The following CLNS1A variants were observed in gnomAD, a reference collection of about 807,000 sequenced individuals.
CLNS1A encodes the protein methylosome subunit pICln.
Under a neutral mutation model 29.4 loss-of-function variants are expected in CLNS1A, and 16 were observed. The ratio of observed to expected loss-of-function variants is 0.54; its 90% CI spans 0.37 to 0.83. CLNS1A has a LOEUF of 0.83. Among genes scored for constraint, CLNS1A ranks in the 40% least tolerant of loss-of-function variants. The pLI, the probability that CLNS1A is intolerant of heterozygous loss-of-function variation, is 0.00. For synonymous variants in CLNS1A, 96 were observed against 104.8 expected (o/e 0.92, Z 0.51); for missense variants, 235 against 287.4 (o/e 0.82, Z 1.32).
chr11:77,631,659 ACT>A (rs1171854695), intron 1 of CLNS1A, among the ~76,000 whole-genome samples: 3 of 151,858 alleles, frequency 2.0e-5, no homozygotes, highest in African/African-American at 7.3e-5. Flanking sequence ...GAATATATGC[ACT>A]GTCATGTGGA....
At chr11:77,630,356 C>G (rs554611834) in intron 1 of CLNS1A, among the ~76,000 whole-genome samples, 2 of 152,174 alleles carry the variant, frequency 1.3e-5, no homozygotes, top group Non-Finnish European at 2.9e-5. Flanking sequence ...TGTGAACTAT[C>G]GGACAGCAGA....
At chr11:77,620,909 G>C (rs991248720) in intron 5 of CLNS1A, among the ~76,000 whole-genome samples, 52 of 152,228 alleles carry the variant, frequency 3.4e-4, no homozygotes, top group African/African-American at 1.2e-3. Context: ...TTAAACCCAG[G>C]AGGTGGAGGT....
In CLNS1A at chr11:77,616,091, CA is replaced by C. The variant is rs1435292860; in HGVS notation, c.*626del. On this transcript the variant is annotated 3_prime_UTR_variant, in exon 7 of 7. Coordinates refer to ENST00000525428, the MANE Select transcript of CLNS1A (RefSeq NM_001293.3). ...AAGCCAACAAAATTCTCATATTTGCCAGCATTATTTTTTAAAAAACATTTCT... is the reference window on the plus strand; with the variant it reads ...AAGCCAACAAAATTCTCATATTTGCCGCATTATTTTTTAAAAAACATTTCT... 1 of 146,634 alleles carries C rather than the reference CA, an allele frequency of 6.8e-6. No homozygotes were observed. Among genetic ancestry groups the C allele is most frequent in the African/African-American group, 2.6e-5 (1 of 38,232 alleles). The allele number at this position is 146,634 out of a possible 1,614,324, so 9.1% of individuals were successfully genotyped here.
chr11:77,634,727 A>C (rs1959107041), intron 1 of CLNS1A, among the ~76,000 whole-genome samples: 1 of 151,510 alleles, frequency 6.6e-6, no homozygotes, highest in Non-Finnish European at 1.5e-5. Flanking sequence ...CTGTCTCAAA[A>C]AAAAAAAAAA....
intron 2 of CLNS1A, among the ~76,000 whole-genome samples, chr11:77,626,261 T>G (rs1959018025): frequency 6.6e-6 from 1 of 152,026 alleles, no homozygotes; most frequent in Non-Finnish European, 1.5e-5. Flanking sequence ...TAATTTTTGT[T>G]TTTTTGAGAT....
At chr11:77,628,131 A>G (rs910756354) in intron 2 of CLNS1A, among the ~76,000 whole-genome samples, 1 of 152,100 alleles carries the variant, frequency 6.6e-6, no homozygotes, top group Non-Finnish European at 1.5e-5. Flanking sequence ...GCCTAATGAC[A>G]GAGTTTTCTT....
chr11:77,628,294 G>T (rs913499102), intron 2 of CLNS1A, among the ~76,000 whole-genome samples: 13 of 152,144 alleles, frequency 8.5e-5, no homozygotes, highest in Non-Finnish European at 1.0e-4. Flanking sequence ...GCAAGGTTTC[G>T]CATTTCTGCA....
rs573879797 is a variant in CLNS1A at position 77,619,177 on chromosome 11, T to G, written c.*22+429A>C. ...CAATATATTTCTCAGAATAATGGAG[T>G]AGCAAATAAATTGTCAGGAACAATC... On this transcript the variant is annotated intron_variant, in intron 6 of 6. Transcript: ENST00000525428. 3.9e-5 allele frequency among the ~76,000 whole-genome samples: 6 copies of G among 151,996 alleles called. No homozygotes were observed. The East Asian group carries it at 1.2e-3, about 29-fold the overall frequency.
chr11:77,625,630 GGT>G (rs139539521), intron 3 of CLNS1A, 85 bp downstream of exon 3: 10,306 of 966,212 alleles, frequency 0.011, no homozygotes, highest in South Asian at 0.013. Flanking sequence ...AAAGGTGAGA[GGT>G]GTGTGTGTGT....
chr11:77,625,880 A>G, intron 2 of CLNS1A, 62 bp from the exon 3 acceptor site: 1 of 1,267,034 alleles, frequency 7.9e-7, no homozygotes, highest in Non-Finnish European at 1.1e-6. Flanking sequence ...AGCATATTGA[A>G]AATCTGAATA....
intron 1 of CLNS1A, among the ~76,000 whole-genome samples, chr11:77,630,950 T>C (rs1055048924): frequency 2.0e-5 from 3 of 152,242 alleles, no homozygotes; most frequent in African/African-American, 7.2e-5. Flanking sequence ...GTGAATTGTA[T>C]GTTTAAATGG....
chr11:77,634,714 A>C (rs1590805093), intron 1 of CLNS1A, among the ~76,000 whole-genome samples: 2 of 139,586 alleles, frequency 1.4e-5, no homozygotes. Context: ...ACAGAACAAG[A>C]CTCTGTCTCA....
At chr11:77,632,890 C>A (rs562216532) in intron 1 of CLNS1A, among the ~76,000 whole-genome samples, 1 of 151,836 alleles carries the variant, frequency 6.6e-6, no homozygotes, top group Non-Finnish European at 1.5e-5. Flanking sequence ...GAGTTCCAGA[C>A]CAGACTACCA....
intron 2 of CLNS1A, among the ~76,000 whole-genome samples, chr11:77,626,724 C>T (rs1382805092): frequency 6.7e-6 from 1 of 148,902 alleles, no homozygotes; most frequent in Non-Finnish European, 1.5e-5. Flanking sequence ...CGGAGTCTTG[C>T]TCTGTCGCCC....
chr11:77,622,014 C>A (rs1958963243), intron 5 of CLNS1A: 1 of 456,276 alleles, frequency 2.2e-6, no homozygotes, highest in Non-Finnish European at 4.4e-6. Context: ...TTCTTAAAAT[C>A]TCTCTCTTGC....
chr11:77,636,065 T>G (rs886683463), intron 1 of CLNS1A, among the ~76,000 whole-genome samples: 3 of 152,050 alleles, frequency 2.0e-5, no homozygotes, highest in African/African-American at 7.2e-5. Flanking sequence ...ATACACATTC[T>G]TTTTTTATTT....
intron 6 of CLNS1A, among the ~76,000 whole-genome samples, chr11:77,619,273 T>C (rs1334974003): frequency 6.6e-6 from 1 of 152,212 alleles, no homozygotes; most frequent in Non-Finnish European, 1.5e-5. Flanking sequence ...GGCTCACAGC[T>C]GTAATCCCAG....
intron 2 of CLNS1A, among the ~76,000 whole-genome samples, chr11:77,627,238 C>A (rs1959029268): frequency 6.6e-6 from 1 of 150,692 alleles, no homozygotes; most frequent in Non-Finnish European, 1.5e-5. Context: ...TGGAGAGCAT[C>A]CTGGCCAACA....
At chr11:77,631,929 G>T (rs1453950133) in intron 1 of CLNS1A, among the ~76,000 whole-genome samples, 1 of 152,002 alleles carries the variant, frequency 6.6e-6, no homozygotes, top group Non-Finnish European at 1.5e-5. Flanking sequence ...ATAGAGATGG[G>T]GTTTTGCCAT....
Sources: gnomAD v4.1 joint callset for allele counts (sites outside exome capture counted in the v4.1 genomes callset) on GRCh38, gnomAD v4.1.1 for gene constraint, MANE v1.5 for transcripts, NCBI Gene and HGNC (gene_info 2026-07-23, HGNC 2026-07-21) for gene names.